The following TRHDE variants were observed in gnomAD, a reference collection of about 807,000 sequenced individuals.
The protein encoded by TRHDE is thyrotropin-releasing hormone-degrading ectoenzyme.
A neutral mutation model predicts 125.7 loss-of-function variants in TRHDE; 72 were observed. That is an observed-to-expected ratio of 0.57 (90% CI 0.47 to 0.70). The LOEUF (loss-of-function observed/expected upper bound fraction) is 0.70. Among genes scored for constraint, TRHDE ranks in the 30% least tolerant of loss-of-function variants. The probability of loss-of-function intolerance (pLI) is 0.00; values close to 1 mark genes in which losing one functional copy is unlikely to be tolerated. For synonymous variants in TRHDE, 509 were observed against 509.1 expected (o/e 1.00, Z 0.00); for missense variants, 1,110 against 1,327.1 (o/e 0.84, Z 2.54).
chr12:72,612,870 A>G (rs931210997), intron 12 of TRHDE, among the ~76,000 whole-genome samples: 2 of 152,142 alleles, frequency 1.3e-5, no homozygotes, highest in Admixed American at 6.6e-5. Context: ...TCTCTACACT[A>G]TTAAGTACCC....
chr12:72,161,002 T>C (rs1226036651), intron 2 of TRHDE, among the ~76,000 whole-genome samples: 2 of 152,218 alleles, frequency 1.3e-5, no homozygotes, highest in African/African-American at 4.8e-5. Flanking sequence ...TTTTAGTAAA[T>C]ACAAAATTAT....
intron 1 of TRHDE, chr12:72,274,677 A>G (rs1343277171): frequency 6.6e-6 from 1 of 152,234 alleles, no homozygotes; most frequent in Non-Finnish European, 1.5e-5. Flanking sequence ...ACCAAGAGTG[A>G]GCAGACAAAG....
chr12:72,241,638 A>T (rs1304903749), intron 2 of TRHDE, among the ~76,000 whole-genome samples: 1 of 152,176 alleles, frequency 6.6e-6, no homozygotes, highest in East Asian at 1.9e-4. Context: ...TTTTTGTATG[A>T]GCATTTTCCT....
intron 12 of TRHDE, among the ~76,000 whole-genome samples, chr12:72,597,397 G>T (rs1218131529): frequency 4.6e-5 from 7 of 152,126 alleles, no homozygotes; most frequent in Middle Eastern, 3.4e-3. Flanking sequence ...GCCAGGCATG[G>T]TGGCTCATGC....
intron 3 of TRHDE, among the ~76,000 whole-genome samples, chr12:72,386,651 A>G (rs774998835): frequency 2.2e-4 from 33 of 152,120 alleles, no homozygotes; most frequent in Non-Finnish European, 3.2e-4. Context: ...AGGATTGTCC[A>G]TCTGCACTGA....
chr12:72,135,199 C>T (rs1217583335), intron 2 of TRHDE, among the ~76,000 whole-genome samples: 1 of 152,140 alleles, frequency 6.6e-6, no homozygotes. Context: ...TTTCCAGAGG[C>T]GTAATCGGAA....
At chr12:72,603,410 G>A (rs10879459) in intron 12 of TRHDE, among the ~76,000 whole-genome samples, 39,810 of 151,900 alleles carry the variant, frequency 0.26, 7,865 homozygotes, top group East Asian at 0.54. Context: ...GATATAGGCA[G>A]AGTAAACTTT....
chr12:72,139,446 A>T (rs1242700234), intron 2 of TRHDE, among the ~76,000 whole-genome samples: 1 of 152,214 alleles, frequency 6.6e-6, no homozygotes, highest in Non-Finnish European at 1.5e-5. Context: ...TTTATGTAAA[A>T]TACATCTGAA....
rs1879272264 is a variant in TRHDE at position 72,272,662 on chromosome 12, C to A, written c.19C>A (p.Leu7Met). ...CGGTGTGATGGCCCTGGACGGCGAG[C>A]TGGGGGAGCAAGAGGAGGAGAAGAA... MALDGE[L>M]GEQEEEKKKK... The change falls in exon 1 of 19, where the codon CTG becomes ATG. Residue 7 changes from leucine (L) to methionine (M), a missense_variant. Physicochemically the swap from Leu to Met is conservative, Grantham distance 15 (BLOSUM62 2). This residue lies in a region of TRHDE where 248 missense variants were observed against 240.8 expected (regional missense o/e 1.03). Coordinates refer to ENST00000261180, the MANE Select transcript of TRHDE (RefSeq NM_013381.3). The surrounding 1 kb of genome is among the most constrained non-coding windows in gnomAD (Gnocchi z 6.7). 6 of 1,229,384 alleles carry A rather than the reference C, an allele frequency of 4.9e-6. No individual in the cohort carries two copies. The East Asian group carries it at 1.4e-4, about 28-fold the overall frequency. 76.2% of individuals were successfully genotyped at this position (1,229,384 alleles called of 1,614,324 possible).
chr12:72,542,854 TA>T (rs1397877691), intron 7 of TRHDE, among the ~76,000 whole-genome samples: 3 of 151,288 alleles, frequency 2.0e-5, no homozygotes, highest in Non-Finnish European at 4.4e-5. Context: ...ATGTTTTTCT[TA>T]AAAAAGGAAG....
intron 2 of TRHDE, among the ~76,000 whole-genome samples, chr12:72,193,844 C>T (rs1877385251): frequency 6.6e-6 from 1 of 151,990 alleles, no homozygotes; most frequent in Non-Finnish European, 1.5e-5. Flanking sequence ...TTTCAAAATT[C>T]ATGAACAGGA....
At chr12:72,595,139 G>A (rs936258435) in intron 12 of TRHDE, among the ~76,000 whole-genome samples, 4 of 146,138 alleles carry the variant, frequency 2.7e-5, no homozygotes, top group Non-Finnish European at 6.0e-5. Context: ...GGGAGGGATA[G>A]CATTAGGAGA....
At chr12:72,455,652 A>G (rs575737418) in intron 3 of TRHDE, among the ~76,000 whole-genome samples, 1 of 152,252 alleles carries the variant, frequency 6.6e-6, no homozygotes, top group South Asian at 2.1e-4. Flanking sequence ...AACTTATTAG[A>G]CCCCTTTAGG....
intron 6 of TRHDE, among the ~76,000 whole-genome samples, chr12:72,530,016 C>A (rs760790231): frequency 6.6e-6 from 1 of 152,088 alleles, no homozygotes; most frequent in Admixed American, 6.6e-5. Context: ...CACTCTGTAC[C>A]GGACTCCATC....
intron 3 of TRHDE, among the ~76,000 whole-genome samples, chr12:72,468,832 C>G (rs570207742): frequency 6.6e-6 from 1 of 152,318 alleles, no homozygotes; most frequent in Admixed American, 6.5e-5. Flanking sequence ...CTTTGCATTT[C>G]TGTACCATTT....
chr12:72,460,634 A>G (rs1005968742), intron 3 of TRHDE, among the ~76,000 whole-genome samples: 2 of 152,188 alleles, frequency 1.3e-5, no homozygotes, highest in African/African-American at 4.8e-5. Context: ...TTCAACCTGT[A>G]TTCTCTGAGA....
chr12:72,552,836 T>C (rs1462039522), intron 7 of TRHDE, among the ~76,000 whole-genome samples: 1 of 152,120 alleles, frequency 6.6e-6, no homozygotes, highest in African/African-American at 2.4e-5. Context: ...GGAAGATTTT[T>C]GTTTTATTTT....
chr12:72,204,920 T>G (rs1405237846), intron 2 of TRHDE, among the ~76,000 whole-genome samples: 1 of 152,206 alleles, frequency 6.6e-6, no homozygotes, highest in African/African-American at 2.4e-5. Context: ...TTAAGTGGAT[T>G]TGCCATCTTT....
chr12:72,417,790 C>A lies in TRHDE; in HGVS notation c.1315+39669C>A, dbSNP rs1447050175. ...CTAGATCATCATAATTTCCTCAATA[C>A]AAATATTAATAGGTTTTATTTTTTT... On this transcript the variant is annotated intron_variant, in intron 3 of 18. Coordinates refer to ENST00000261180, the MANE Select transcript of TRHDE (RefSeq NM_013381.3). Among the ~76,000 whole-genome samples the A allele has an allele frequency of 2.0e-5, 3 of 152,000 alleles. No homozygotes were observed. The East Asian group carries it at 5.8e-4, about 30-fold the overall frequency.
Sources: gnomAD v4.1 joint callset for allele counts (sites outside exome capture counted in the v4.1 genomes callset) on GRCh38, gnomAD v4.1.1 for gene constraint, gnomAD v4.1.1 regional missense constraint, Gnocchi (gnomAD v3.1) non-coding constraint, MANE v1.5 for transcripts, NCBI Gene and HGNC (gene_info 2026-07-23, HGNC 2026-07-21) for gene names.